Variants in ZNF100 observed in about 807,000 individuals in gnomAD.
ZNF100 encodes the protein zinc finger protein 100.
ZNF100 carries 12 observed loss-of-function variants against 15.8 expected under a neutral mutation model. The ratio of observed to expected loss-of-function variants is 0.76; its 90% CI spans 0.49 to 1.23. ZNF100 has a LOEUF of 1.23. Among genes scored for constraint, ZNF100 ranks in the 50% most tolerant of loss-of-function variants. The pLI, the probability that ZNF100 is intolerant of heterozygous loss-of-function variation, is 0.00. For missense variants in ZNF100, 670 were observed against 635.6 expected (o/e 1.05, Z -0.58); for synonymous variants, 226 against 214.8 (o/e 1.05, Z -0.45).
At chr19:21,765,109 C>G (rs1186580385) in intron 2 of ZNF100, among the ~76,000 whole-genome samples, 2 of 152,160 alleles carry the variant, frequency 1.3e-5, no homozygotes, top group African/African-American at 4.8e-5. Context: ...AATACATGAT[C>G]AGACATTTTT....
chr19:21,736,238 C>T (rs2036006844), intron 4 of ZNF100, among the ~76,000 whole-genome samples: 1 of 152,146 alleles, frequency 6.6e-6, no homozygotes, highest in Non-Finnish European at 1.5e-5. Flanking sequence ...CAGGCACCAA[C>T]CACTATGCCC....
intron 3 of ZNF100, among the ~76,000 whole-genome samples, chr19:21,744,517 C>A (rs1456306656): frequency 6.6e-6 from 1 of 152,022 alleles, no homozygotes; most frequent in Admixed American, 6.5e-5. Flanking sequence ...GGACTACAGG[C>A]GCCTGCCACC....
intron 2 of ZNF100, among the ~76,000 whole-genome samples, chr19:21,762,245 C>T (rs2036494340): frequency 6.6e-6 from 1 of 152,186 alleles, no homozygotes; most frequent in African/African-American, 2.4e-5. Flanking sequence ...CTTTCTACTA[C>T]TAACAGTGTC....
intron 2 of ZNF100, among the ~76,000 whole-genome samples, chr19:21,748,291 A>G (rs1311271711): frequency 6.6e-6 from 1 of 152,246 alleles, no homozygotes; most frequent in Non-Finnish European, 1.5e-5. Flanking sequence ...TTTATAAATC[A>G]GTTCTGTAAG....
chr19:21,740,253 AG>A, intron 4 of ZNF100, among the ~76,000 whole-genome samples: 1 of 152,348 alleles, frequency 6.6e-6, no homozygotes, highest in East Asian at 1.9e-4. Context: ...AAAAATGTTA[AG>A]AACTAAATGT....
Position 21,765,688 on chromosome 19 carries a change from G to T in ZNF100, c.96+6C>A, listed in dbSNP as rs760025406. On this transcript the variant is annotated splice_donor_region_variant and intron_variant, in intron 2 of 4. Coordinates refer to ENST00000358296, the MANE Select transcript of ZNF100 (RefSeq NM_173531.4). ...TGAAGACAATTTTAATGTCTCAAGG[G>T]GTTACCTTTTCAAAATAAGACTGCA... The T allele has an allele frequency of 5.0e-6, 8 of 1,603,070 alleles. No homozygotes were observed. The Admixed American group carries it at 1.2e-4, about 23-fold the overall frequency.
chr19:21,744,260 G>A, intron 3 of ZNF100, 145 bp from the exon 4 acceptor site: 1 of 803,046 alleles, frequency 1.2e-6, no homozygotes, highest in Non-Finnish European at 1.7e-6. Context: ...TAAATATTTA[G>A]AAAATATTTT....
At chr19:21,763,972 A>G (rs1010920754) in intron 2 of ZNF100, among the ~76,000 whole-genome samples, 3 of 152,198 alleles carry the variant, frequency 2.0e-5, no homozygotes, top group Admixed American at 6.5e-5. Context: ...CCTTAAAACA[A>G]TAACAACTTC....
In ZNF100 at chr19:21,745,112, C is replaced by A. The variant is rs200079868; in HGVS notation, c.97-45G>T. ...AGACACACATATATTTACCAAGTGGCCATGGGCAGAATTTATTATTTGAAT... is the reference window on the plus strand; with the variant it reads ...AGACACACATATATTTACCAAGTGGACATGGGCAGAATTTATTATTTGAAT... On this transcript the variant is annotated intron_variant, in intron 2 of 4. Transcript: ENST00000358296. 2.5e-5 allele frequency: 39 copies of A among 1,561,774 alleles called. No homozygotes were observed. In the East Asian group the frequency reaches 8.9e-4, roughly 36 times the overall value.
At chr19:21,729,790 T>C (rs2035880306) in intron 4 of ZNF100, among the ~76,000 whole-genome samples, 1 of 151,498 alleles carries the variant, frequency 6.6e-6, no homozygotes, top group Non-Finnish European at 1.5e-5. Flanking sequence ...TATAAACATC[T>C]GTTAATAAAT....
chr19:21,735,648 T>G (rs1432263682), intron 4 of ZNF100, among the ~76,000 whole-genome samples: 1 of 150,632 alleles, frequency 6.6e-6, no homozygotes, highest in Non-Finnish European at 1.5e-5. Context: ...GCAAATAAAA[T>G]CAGAAAAAAA....
chr19:21,743,274 G>A (rs140812978), intron 4 of ZNF100: 5 of 152,196 alleles, frequency 3.3e-5, no homozygotes, highest in East Asian at 3.9e-4. Flanking sequence ...ATAAATTATT[G>A]AAGACACAAA....
intron 2 of ZNF100, among the ~76,000 whole-genome samples, chr19:21,764,532 C>T (rs2036530528): frequency 6.6e-6 from 1 of 151,784 alleles, no homozygotes; most frequent in Admixed American, 6.6e-5. Flanking sequence ...CGCAGCTACT[C>T]AGGAGGCTGA....
At chr19:21,732,008 T>C (rs896745440) in intron 4 of ZNF100, among the ~76,000 whole-genome samples, 4 of 152,200 alleles carry the variant, frequency 2.6e-5, no homozygotes, top group African/African-American at 9.6e-5. Flanking sequence ...ATCCCAGCAC[T>C]TTGGGAGGCC....
At position 21,725,988 on chromosome 19, in the gene ZNF100, T is replaced by C. The variant is rs1277396271; in HGVS notation, c.*695A>G. 1.5e-5 allele frequency: 1 copy of C among 68,658 alleles called. No homozygotes were observed. Among genetic ancestry groups the C allele is most frequent in the East Asian group, 4.5e-4 (1 of 2,200 alleles). The allele number at this position is 68,658 out of a possible 1,614,324, so 4.3% of individuals were successfully genotyped here. On this transcript the variant is annotated 3_prime_UTR_variant, in exon 5 of 5. Transcript: ENST00000358296. ...TTGAAAAAGTATTTTTCCAACTTTA[T>C]TACATTCGCACAGTTTTTTTCAATA...
At chr19:21,737,368 A>C (rs1308280340) in intron 4 of ZNF100, among the ~76,000 whole-genome samples, 1 of 151,704 alleles carries the variant, frequency 6.6e-6, no homozygotes, top group Non-Finnish European at 1.5e-5. Context: ...TCTACTAAAA[A>C]TAAAAAAATA....
chr19:21,732,775 C>CA (rs776393655), intron 4 of ZNF100, among the ~76,000 whole-genome samples: 7 of 151,686 alleles, frequency 4.6e-5, no homozygotes, highest in Non-Finnish European at 8.8e-5. Flanking sequence ...AACTTGAAGA[C>CA]AAAAAAGGCT....
chr19:21,758,144 C>A (rs2036420434), intron 2 of ZNF100, among the ~76,000 whole-genome samples: 1 of 151,900 alleles, frequency 6.6e-6, no homozygotes, highest in Admixed American at 6.6e-5. Flanking sequence ...TCTGCAGCAA[C>A]ACGGATGGCG....
intron 2 of ZNF100, 139 bp downstream of exon 2, chr19:21,765,555 C>A: frequency 1.5e-6 from 1 of 686,152 alleles, no homozygotes; most frequent in Non-Finnish European, 2.4e-6. Flanking sequence ...TTTTTCTGCC[C>A]CCCTTAGATG....
Sources: allele counts gnomAD v4.1 joint callset (sites outside exome capture counted in the v4.1 genomes callset), GRCh38; gene constraint gnomAD v4.1.1; transcripts MANE v1.5; gene names NCBI Gene and HGNC (gene_info 2026-07-23, HGNC 2026-07-21).